Variants in EEF1AKMT2 observed in about 807,000 individuals in gnomAD.
The protein encoded by EEF1AKMT2 is eukaryotic translation elongation factor 1 alpha lysine methyltransferase 2.
Under a neutral mutation model 35.8 loss-of-function variants are expected in EEF1AKMT2, and 32 were observed. That is an observed-to-expected ratio of 0.89 (90% CI 0.67 to 1.20). EEF1AKMT2 has a LOEUF of 1.20. EEF1AKMT2 is among the 50% of genes most tolerant of loss of function. The probability of loss-of-function intolerance (pLI) is 0.00; values close to 1 mark genes in which losing one functional copy is unlikely to be tolerated. For synonymous variants in EEF1AKMT2, 121 were observed against 133.7 expected (o/e 0.91, Z 0.65); for missense variants, 330 against 347.5 (o/e 0.95, Z 0.40).
At chr10:124,771,378 C>T (rs751932166) in intron 4 of EEF1AKMT2, among the ~76,000 whole-genome samples, 11 of 151,720 alleles carry the variant, frequency 7.3e-5, no homozygotes, top group Non-Finnish European at 1.5e-4. Context: ...GGATTACAGG[C>T]GTGAGCCACC....
At chr10:124,770,848 T>G (rs1222793379) in intron 4 of EEF1AKMT2, among the ~76,000 whole-genome samples, 6 of 152,238 alleles carry the variant, frequency 3.9e-5, no homozygotes, top group African/African-American at 1.4e-4. Context: ...ACTCCTTATC[T>G]GATCAAGTTT....
intron 4 of EEF1AKMT2, among the ~76,000 whole-genome samples, chr10:124,770,140 C>T (rs1464397882): frequency 4.0e-5 from 6 of 151,770 alleles, no homozygotes; most frequent in Non-Finnish European, 7.4e-5. Context: ...CAAAAATGGC[C>T]GGGCGTGGTA....
At chr10:124,780,330 T>A (rs981004906) in intron 3 of EEF1AKMT2, among the ~76,000 whole-genome samples, 1 of 98,970 alleles carries the variant, frequency 1.0e-5, no homozygotes, top group Non-Finnish European at 2.7e-5. Flanking sequence ...ACATGTTAAA[T>A]ACTATAGAGA....
At chr10:124,786,254 C>A (rs1950582979) in intron 3 of EEF1AKMT2, among the ~76,000 whole-genome samples, 1 of 151,952 alleles carries the variant, frequency 6.6e-6, no homozygotes, top group South Asian at 2.1e-4. Context: ...CACCTGTAAT[C>A]CCAGCACTTT....
chr10:124,761,508 T>G (rs1314842277), intron 6 of EEF1AKMT2, among the ~76,000 whole-genome samples: 1 of 152,144 alleles, frequency 6.6e-6, no homozygotes, highest in Non-Finnish European at 1.5e-5. Flanking sequence ...GACAAGGAAC[T>G]AGTAACTTTC....
At chr10:124,768,688 T>G (rs932478634) in intron 4 of EEF1AKMT2, among the ~76,000 whole-genome samples, 3 of 151,996 alleles carry the variant, frequency 2.0e-5, no homozygotes, top group Non-Finnish European at 4.4e-5. Flanking sequence ...AGGCCGAGGT[T>G]GCAGTGAGCC....
At position 124,768,501 on chromosome 10, in the gene EEF1AKMT2, T is replaced by C. The variant is rs146652426; in HGVS notation, c.400-2893A>G. 7.6e-3 allele frequency among the ~76,000 whole-genome samples: 1,150 copies of C among 152,158 alleles called. 19 individuals carry two copies. Among genetic ancestry groups the C allele is most frequent in the African/African-American group, 0.027 (1,122 of 41,508 alleles). ...GACTCACACCTGTAATCTCAACACT[T>C]TGGGAGGCCGAGGCAGGCAGATCAC... is the stretch of plus-strand genomic sequence containing the variant. On this transcript the variant is annotated intron_variant, in intron 4 of 6. Transcript: ENST00000368836.
At chr10:124,783,653 T>C (rs1950561925) in intron 3 of EEF1AKMT2, among the ~76,000 whole-genome samples, 1 of 152,008 alleles carries the variant, frequency 6.6e-6, no homozygotes, top group African/African-American at 2.4e-5. Context: ...TGAATTTTCC[T>C]TTGTTTTTGG....
intron 3 of EEF1AKMT2, among the ~76,000 whole-genome samples, chr10:124,785,692 G>C (rs992148967): frequency 6.6e-6 from 1 of 151,800 alleles, no homozygotes; most frequent in Non-Finnish European, 1.5e-5. Flanking sequence ...TCAGGAGTTC[G>C]AGACCAGCCT....
At chr10:124,767,021 A>T in intron 4 of EEF1AKMT2, among the ~76,000 whole-genome samples, 1 of 146,892 alleles carries the variant, frequency 6.8e-6, no homozygotes, top group Middle Eastern at 3.8e-3. Context: ...ATTAGCCAGG[A>T]GTGGTGGTGG....
In EEF1AKMT2 at chr10:124,766,638, G is replaced by C. The variant is rs532911636; in HGVS notation, c.400-1030C>G. On this transcript the variant is annotated intron_variant, in intron 4 of 6. Transcript: ENST00000368836. Reference sequence around the variant, plus strand: ...ATCATGTTTAATCTAAAACTCTATTGACTTAAAAATGTATATATTATGTTG... The same window carrying C: ...ATCATGTTTAATCTAAAACTCTATTCACTTAAAAATGTATATATTATGTTG... Among the ~76,000 whole-genome samples, 7 of 152,170 alleles carry C rather than the reference G, an allele frequency of 4.6e-5. No homozygotes were observed. The East Asian group carries it at 1.2e-3, about 25-fold the overall frequency.
chr10:124,769,344 G>T (rs1950409108), intron 4 of EEF1AKMT2, among the ~76,000 whole-genome samples: 1 of 150,896 alleles, frequency 6.6e-6, no homozygotes, highest in South Asian at 2.1e-4. Context: ...AATGCAACAG[G>T]GTAAATGGGA....
chr10:124,791,657 C>T (rs1014737011), intron 1 of EEF1AKMT2, 67 bp downstream of exon 1: 3 of 1,536,590 alleles, frequency 2.0e-6, no homozygotes, highest in Non-Finnish European at 2.6e-6. Context: ...CTCCACCCCG[C>T]CGTCCCCTTC....
intron 3 of EEF1AKMT2, among the ~76,000 whole-genome samples, chr10:124,787,316 C>T (rs1160671234): frequency 6.6e-6 from 1 of 151,434 alleles, no homozygotes; most frequent in Non-Finnish European, 1.5e-5. Flanking sequence ...GCCTGTAATC[C>T]CAGCTACTCA....
rs371368817 is a variant in EEF1AKMT2 at position 124,791,778 on chromosome 10, T to C, written c.56A>G (p.Lys19Arg). 6.3e-7 allele frequency: 1 copy of C among 1,594,812 alleles called. No individual in the cohort carries two copies. The highest frequency in any genetic ancestry group is 2.3e-5 in the East Asian group (1 of 44,308). The change falls in exon 1 of 7, where the codon AAG (lysine) becomes AGG (arginine). Residue 19 changes from lysine (K) to arginine (R), a missense_variant. By Grantham distance (26) the Lys-to-Arg change is conservative (BLOSUM62 2). Transcript: ENST00000368836. ...GGAAVAARSD[K>R]GSPGEDGFVP... ...GAAACCGTCCTCCCCGGGACTGCCC[T>C]TGTCCGACCGCGCCGCCACCGCAGC...
intron 3 of EEF1AKMT2, among the ~76,000 whole-genome samples, chr10:124,778,829 T>C (rs1384312556): frequency 3.3e-5 from 5 of 151,742 alleles, no homozygotes; most frequent in Non-Finnish European, 5.9e-5. Context: ...ATAAGGCTTA[T>C]AGCTAACAAT....
chr10:124,766,447 T>A (rs561910594), intron 4 of EEF1AKMT2: 3 of 152,344 alleles, frequency 2.0e-5, no homozygotes, highest in Admixed American at 6.5e-5. Flanking sequence ...ACCATCTCAT[T>A]CACTGTTAAT....
chr10:124,756,671 C>T (rs1436514422), downstream of EEF1AKMT2, among the ~76,000 whole-genome samples: 2 of 152,192 alleles, frequency 1.3e-5, no homozygotes, highest in African/African-American at 2.4e-5. Context: ...TTCAACAACA[C>T]TCCAGGGATT....
At chr10:124,791,251 C>A (rs1371116388) in intron 1 of EEF1AKMT2, among the ~76,000 whole-genome samples, 1 of 151,908 alleles carries the variant, frequency 6.6e-6, no homozygotes, top group Admixed American at 6.6e-5. Context: ...CCCCAAGATC[C>A]CCCACTATCT....
Sources: allele counts gnomAD v4.1 joint callset (sites outside exome capture counted in the v4.1 genomes callset), GRCh38; gene constraint gnomAD v4.1.1; transcripts MANE v1.5; gene names NCBI Gene and HGNC (gene_info 2026-07-23, HGNC 2026-07-21).